Variants in SRD5A2 observed in about 807,000 individuals in gnomAD.
The protein encoded by SRD5A2 is 3-oxo-5-alpha-steroid 4-dehydrogenase 2.
SRD5A2 carries 30 observed loss-of-function variants against 27.4 expected under a neutral mutation model. That is an observed-to-expected ratio of 1.10 (90% CI 0.82 to 1.49). SRD5A2 has a LOEUF of 1.49. SRD5A2 is among the 40% of genes most tolerant of loss of function. The probability of loss-of-function intolerance (pLI) is 0.00; values close to 1 mark genes in which losing one functional copy is unlikely to be tolerated. For synonymous variants in SRD5A2, 141 were observed against 133.6 expected (o/e 1.06, Z -0.38); for missense variants, 348 against 323.4 (o/e 1.08, Z -0.58).
intron 4 of SRD5A2, among the ~76,000 whole-genome samples, chr2:31,527,362 C>T (rs1292082969): frequency 1.3e-5 from 2 of 152,274 alleles, no homozygotes; most frequent in East Asian, 3.9e-4. Flanking sequence ...GGCTGGTTTT[C>T]GGTACTGTGA....
chr2:31,655,658 G>A, the SRD5A2 span, among the ~76,000 whole-genome samples: 6 of 152,258 alleles, frequency 3.9e-5, no homozygotes, highest in African/African-American at 9.6e-5. Flanking sequence ...CGTCCCACTC[G>A]TGTTGAGGAA....
chr2:31,526,543 C>T lies in SRD5A2; in HGVS notation c.699-281G>A, dbSNP rs141363545. 2.0e-3 allele frequency among the ~76,000 whole-genome samples: 303 copies of T among 152,102 alleles called. 1 individual carries two copies. Among genetic ancestry groups the T allele is most frequent in the African/African-American group, 6.8e-3 (282 of 41,482 alleles). On this transcript the variant is annotated intron_variant, in intron 4 of 4. Coordinates refer to ENST00000622030, the MANE Select transcript of SRD5A2 (RefSeq NM_000348.4). ...TGCCACTGAATTTTACAATTAAAAA[C>T]GGCTAAAGTGGTAAAATTTTTGTTA... is the stretch of plus-strand genomic sequence containing the variant.
At chr2:31,554,807 G>C (rs1666459527) in intron 1 of SRD5A2, among the ~76,000 whole-genome samples, 1 of 152,124 alleles carries the variant, frequency 6.6e-6, no homozygotes, top group Non-Finnish European at 1.5e-5. Flanking sequence ...TCAGGACCAT[G>C]AAAAATATGT....
In SRD5A2 at chr2:31,529,314, G is replaced by A. The variant is rs1241588085; in HGVS notation, c.691C>T (p.His231Tyr). Residue 231 changes from histidine (H) to tyrosine (Y), a missense_variant, in exon 4 of 5, where the codon CAC (histidine) becomes TAC (tyrosine). His to Tyr is a moderately conservative substitution (Grantham distance 83). Coordinates refer to ENST00000622030, the MANE Select transcript of SRD5A2 (RefSeq NM_000348.4). ...TTTTATTGAAAAATTTACCTATGGT[G>A]GTGAAAAGCTCGCAGCCCAAGGAAA... ...LCFLGLRAFH[H>Y]HRFYLKMFED... is the part of the protein sequence containing the mutation. The A allele has an allele frequency of 6.2e-7, 1 of 1,613,712 alleles. No individual in the cohort carries two copies. Among genetic ancestry groups the A allele is most frequent in the Non-Finnish European group, 8.5e-7 (1 of 1,179,818 alleles).
chr2:31,552,073 T>C (rs1257225078), intron 1 of SRD5A2, among the ~76,000 whole-genome samples: 2 of 151,514 alleles, frequency 1.3e-5, no homozygotes, highest in Non-Finnish European at 2.9e-5. Flanking sequence ...ATTTAAAACT[T>C]TTGCACTTCA....
the SRD5A2 span, among the ~76,000 whole-genome samples, chr2:31,662,368 G>A: frequency 6.4e-4 from 97 of 152,174 alleles, no homozygotes; most frequent in South Asian, 4.1e-3. Flanking sequence ...CACCCAGTCT[G>A]GAGCATAGTG....
intron 1 of SRD5A2, among the ~76,000 whole-genome samples, chr2:31,547,912 T>G (rs886887745): frequency 2.6e-5 from 4 of 152,200 alleles, no homozygotes; most frequent in Non-Finnish European, 4.4e-5. Context: ...GATACAGATA[T>G]AGATATAGAT....
intron 1 of SRD5A2, among the ~76,000 whole-genome samples, chr2:31,537,808 G>A (rs1408964825): frequency 6.6e-6 from 1 of 152,076 alleles, no homozygotes; most frequent in African/African-American, 2.4e-5. Context: ...AGGTCATGAG[G>A]GCTCTGCCAA....
the SRD5A2 span, among the ~76,000 whole-genome samples, chr2:31,600,072 G>C: frequency 6.6e-5 from 10 of 151,968 alleles, no homozygotes; most frequent in Admixed American, 3.9e-4. Flanking sequence ...TGATAAGTGA[G>C]AACATACAGT....
chr2:31,614,037 A>C, the SRD5A2 span, among the ~76,000 whole-genome samples: 102,190 of 152,012 alleles, frequency 0.67, 34,524 homozygotes, highest in Middle Eastern at 0.7. Context: ...TTATTCTGCA[A>C]CTGTCCCCTC....
At chr2:31,599,400 T>C in the SRD5A2 span, among the ~76,000 whole-genome samples, 1 of 152,062 alleles carries the variant, frequency 6.6e-6, no homozygotes, top group African/African-American at 2.4e-5. Flanking sequence ...AAATGGGCCA[T>C]ATGTTAGGTC....
chr2:31,592,346 C>T, the SRD5A2 span, among the ~76,000 whole-genome samples: 1 of 152,146 alleles, frequency 6.6e-6, no homozygotes, highest in African/African-American at 2.4e-5. Context: ...AACCGGAAGT[C>T]CTGAGTCTGT....
chr2:31,635,457 G>A, the SRD5A2 span, among the ~76,000 whole-genome samples: 3 of 151,922 alleles, frequency 2.0e-5, no homozygotes, highest in Non-Finnish European at 4.4e-5. Flanking sequence ...TAATCCCTTG[G>A]CAGATGGATA....
the SRD5A2 span, among the ~76,000 whole-genome samples, chr2:31,623,108 C>T: frequency 3.3e-5 from 5 of 152,038 alleles, no homozygotes; most frequent in East Asian, 1.9e-4. Flanking sequence ...TCAAAGCTCT[C>T]GTCTCCTTTG....
At chr2:31,558,629 C>T (rs528183495) in intron 1 of SRD5A2, among the ~76,000 whole-genome samples, 5 of 152,292 alleles carry the variant, frequency 3.3e-5, no homozygotes, top group Admixed American at 6.5e-5. Context: ...TTAGAACCTA[C>T]CTAATCCAGT....
At chr2:31,560,419 C>G (rs373497928) in intron 1 of SRD5A2, among the ~76,000 whole-genome samples, 1 of 152,186 alleles carries the variant, frequency 6.6e-6, no homozygotes, top group Admixed American at 6.5e-5. Context: ...GTTCCCTGAA[C>G]TTCTCCAGCA....
chr2:31,656,631 C>CT, the SRD5A2 span, among the ~76,000 whole-genome samples: 1 of 152,160 alleles, frequency 6.6e-6, no homozygotes, highest in Non-Finnish European at 1.5e-5. Context: ...ATTCATCCCT[C>CT]AGGAAGACAC....
intron 1 of SRD5A2, among the ~76,000 whole-genome samples, chr2:31,557,673 G>A (rs529936123): frequency 3.3e-5 from 5 of 152,308 alleles, no homozygotes; most frequent in African/African-American, 1.2e-4. Flanking sequence ...AACCCATTCT[G>A]GCCAATTTCT....
At chr2:31,599,805 G>T in the SRD5A2 span, among the ~76,000 whole-genome samples, 1 of 151,852 alleles carries the variant, frequency 6.6e-6, no homozygotes, top group Non-Finnish European at 1.5e-5. Context: ...TGAAATAAAT[G>T]AAATGAAGAA....
Sources: gnomAD v4.1 joint callset for allele counts (sites outside exome capture counted in the v4.1 genomes callset) on GRCh38, gnomAD v4.1.1 for gene constraint, MANE v1.5 for transcripts, NCBI Gene and HGNC (gene_info 2026-07-23, HGNC 2026-07-21) for gene names.